The following SLC12A4 variants were observed in gnomAD, a reference collection of about 807,000 sequenced individuals.
The protein encoded by SLC12A4 is solute carrier family 12 member 4, also known as electroneutral potassium-chloride cotransporter 1.
A neutral mutation model predicts 119.2 loss-of-function variants in SLC12A4; 84 were observed. That is an observed-to-expected ratio of 0.70 (90% confidence interval 0.59 to 0.85). The LOEUF (loss-of-function observed/expected upper bound fraction) is 0.85. Among genes scored for constraint, SLC12A4 ranks in the 40% least tolerant of loss-of-function variants. The pLI, the probability that SLC12A4 is intolerant of heterozygous loss-of-function variation, is 0.00. For synonymous variants in SLC12A4, 599 were observed against 604.6 expected (o/e 0.99, Z 0.14); for missense variants, 1,298 against 1,476.3 (o/e 0.88, Z 1.98).
Position 67,943,734 on chromosome 16 carries a change from C to A in SLC12A4, c.*1106G>T, listed in dbSNP as rs926619618. 5 of 583,452 alleles carry A rather than the reference C, an allele frequency of 8.6e-6. No homozygotes were observed. In the South Asian group the frequency reaches 9.5e-5, roughly 11 times the overall value. The allele number at this position is 583,452 out of a possible 1,614,324, so 36.1% of individuals were successfully genotyped here. A position where few individuals can be genotyped will look rare whatever the true frequency, so the allele number is the denominator to read the frequency against. On this transcript the variant is annotated 3_prime_UTR_variant, in exon 24 of 24. Coordinates refer to ENST00000316341, the MANE Select transcript of SLC12A4 (RefSeq NM_005072.5). This position sits in a 1 kb window ranked among gnomAD's most constrained non-coding sequence, Gnocchi z 4.6. The stretch of plus-strand genomic sequence containing the variant: ...GCACACCCCGTCCCCCACTCCGCCC[C>A]CCCTGGGTTAGACAACTGAGAGTCA...
rs1441439401 is a variant in SLC12A4 at position 67,951,995 on chromosome 16, A to C, written c.960T>G (p.Phe320Leu). ...LGNRTLSRDQ[F>L]DICAKTAVVD... ...CTACAGCTGTCTTGGCACAGATGTC[A>C]AACTGGTCCCGGGACAGGGTCCTGT... The change falls in exon 8 of 24, where the codon TTT becomes TTG. Residue 320 changes from phenylalanine to leucine, a missense_variant. Physicochemically the swap from Phe to Leu is conservative, Grantham distance 22. Coordinates refer to ENST00000316341, the MANE Select transcript of SLC12A4 (RefSeq NM_005072.5). This position sits in a 1 kb window ranked among gnomAD's most constrained non-coding sequence, Gnocchi z 5.2. The C allele has an allele frequency of 1.2e-6, 2 of 1,614,116 alleles. No individual in the cohort carries two copies. Among genetic ancestry groups the C allele is most frequent in the Admixed American group, 1.7e-5 (1 of 60,018 alleles).
In SLC12A4 at chr16:67,951,757, C is replaced by T. The variant is rs929296745; in HGVS notation, c.1132+66G>A. On this transcript the variant is annotated intron_variant, in intron 8 of 23. Transcript: ENST00000316341. This position sits in a 1 kb window ranked among gnomAD's most constrained non-coding sequence, Gnocchi z 5.2. ...TCCCAAGCTGGCCACACAAGGACAG[C>T]TCTGTGCTCTGTGCCCCTGCTCAGC... 9 of 1,396,098 alleles carry T rather than the reference C, an allele frequency of 6.4e-6. No homozygotes were observed. The highest frequency in any genetic ancestry group is 1.4e-5 in the African/African-American group (1 of 70,400). 86.5% of individuals were successfully genotyped at this position (1,396,098 alleles called of 1,614,324 possible).
chr16:67,951,730 G>T lies in SLC12A4; in HGVS notation c.1132+93C>A. On this transcript the variant is annotated intron_variant, in intron 8 of 23. Transcript: ENST00000316341. The surrounding 1 kb of genome is among the most constrained non-coding windows in gnomAD (Gnocchi z 5.2). ...TGGGAAGGCGGCCAGTCCTGCCCCC[G>T]TTCCCAAGCTGGCCACACAAGGACA... 1.7e-6 allele frequency: 2 copies of T among 1,194,432 alleles called. No individual in the cohort carries two copies. Among genetic ancestry groups the T allele is most frequent in the Non-Finnish European group, 2.4e-6 (2 of 844,686 alleles). 74.0% of individuals were successfully genotyped at this position (1,194,432 alleles called of 1,614,324 possible).
At position 67,952,057 on chromosome 16, in the gene SLC12A4, C is replaced by T. The variant is rs375492658; in HGVS notation, c.918-20G>A. The T allele has an allele frequency of 7.4e-5, 120 of 1,610,994 alleles. No individual in the cohort carries two copies. Among genetic ancestry groups the T allele is most frequent in the Middle Eastern group, 1.7e-4 (1 of 6,038 alleles). On this transcript the variant is annotated intron_variant, in intron 7 of 23. Transcript: ENST00000316341. ...CATACCCTGTGAGGGACAGAAGCAC[C>T]GGCACCTGCTCAGGTCAAAGCCCCT...
At position 67,952,374 on chromosome 16, in the gene SLC12A4, T is replaced by G; in HGVS notation, c.727A>C (p.Thr243Pro). Residue 243 changes from threonine to proline, a missense_variant, in exon 7 of 24, where the codon ACG becomes CCG. Physicochemically the swap from Thr to Pro is conservative, Grantham distance 38. Transcript: ENST00000316341. ...AIFYPSGAHD[T>P]SNATLNNMRV... ...ATATTGTTCAAAGTGGCATTCGACG[T>G]GTCATGAGCACCCGATGGGTAAAAA... 1 of 1,614,150 alleles carries G rather than the reference T, an allele frequency of 6.2e-7. No individual in the cohort carries two copies. Among genetic ancestry groups the G allele is most frequent in the Non-Finnish European group, 8.5e-7 (1 of 1,180,012 alleles).
chr16:67,966,223 G>A (rs3785104), intron 1 of SLC12A4, among the ~76,000 whole-genome samples: 35 of 152,338 alleles, frequency 2.3e-4, no homozygotes, highest in African/African-American at 7.9e-4. Flanking sequence ...AGTGCCAGAC[G>A]CCCAGTGGGC....
At chr16:67,961,826 G>A in intron 2 of SLC12A4, 120 bp from the exon 3 acceptor site, 1 of 1,327,014 alleles carries the variant, frequency 7.5e-7, no homozygotes, top group Non-Finnish European at 1.0e-6. Context: ...CCTGATCCCA[G>A]TTCCTACCTG....
chr16:67,947,943 G>T, intron 14 of SLC12A4, 118 bp downstream of exon 14: 1 of 1,469,182 alleles, frequency 6.8e-7, no homozygotes. Context: ...GTCCCCCGCA[G>T]CCCTATAATC....
Position 67,949,736 on chromosome 16 carries a change from CGGGGAGGTGCTGGGGTTCA to C in SLC12A4, c.1748+45_1748+63del, listed in dbSNP as rs2058391876. ...GGACCTCCAACACCAGACGCAGCCA[CGGGGAGGTGCTGGGGTTCA>C]GGAAGCCTTTCCCCATCCCCCTGCC... On this transcript the variant is annotated intron_variant, in intron 13 of 23. Coordinates refer to ENST00000316341, the MANE Select transcript of SLC12A4 (RefSeq NM_005072.5). The surrounding 1 kb of genome is among the most constrained non-coding windows in gnomAD (Gnocchi z 4.6). The C allele has an allele frequency of 8.9e-7, 1 of 1,128,250 alleles. No homozygotes were observed. Among genetic ancestry groups the C allele is most frequent in the African/African-American group, 1.6e-5 (1 of 63,766 alleles). 69.9% of individuals were successfully genotyped at this position (1,128,250 alleles called of 1,614,324 possible). A position where few individuals can be genotyped will look rare whatever the true frequency, so the allele number is the denominator to read the frequency against.
Position 67,957,794 on chromosome 16 carries a change from G to A in SLC12A4, c.492C>T (p.Thr164=), listed in dbSNP as rs2030351074. The A allele has an allele frequency of 6.2e-7, 1 of 1,614,018 alleles. No homozygotes were observed. The highest frequency in any genetic ancestry group is 1.3e-5 in the African/African-American group (1 of 74,928). Residue 164 remains threonine, a splice_region_variant and synonymous_variant, in exon 5 of 24, where the codon ACC becomes ACT. Coordinates refer to ENST00000316341, the MANE Select transcript of SLC12A4 (RefSeq NM_005072.5). Reference sequence around the variant, plus strand: ...CACTCATGGAGATGGCCGTCAGCAGGGTCTGTGGGAAGGAGGGCCTGGGTG... The same window carrying A: ...CACTCATGGAGATGGCCGTCAGCAGAGTCTGTGGGAAGGAGGGCCTGGGTG... ...LLIVLICCCC[T]LLTAISMSAI...
At chr16:67,963,912 C>T in intron 1 of SLC12A4, 2 of 1,551,276 alleles carry the variant, frequency 1.3e-6, no homozygotes, top group Non-Finnish European at 1.7e-6. Context: ...CAGTCCCTTT[C>T]CCGGTCTTTC....
intron 1 of SLC12A4, among the ~76,000 whole-genome samples, chr16:67,967,216 C>T (rs2030904670): frequency 6.6e-6 from 1 of 152,226 alleles, no homozygotes; most frequent in Non-Finnish European, 1.5e-5. Flanking sequence ...GATACACACA[C>T]ATAGCCATCA....
In SLC12A4 at chr16:67,945,540, T is replaced by C. The variant is rs1167530614; in HGVS notation, c.2861A>G (p.Lys954Arg). The C allele has an allele frequency of 1.2e-6, 2 of 1,613,546 alleles. No homozygotes were observed. The highest frequency in any genetic ancestry group is 1.7e-6 in the Non-Finnish European group (2 of 1,179,840). Reference sequence around the variant, plus strand: ...CAGCCGCAGGGCCGAGTGCCGATCCTTGACCAGCTGGGCCTGAGGACAATT... The same window carrying C: ...CAGCCGCAGGGCCGAGTGCCGATCCCTGACCAGCTGGGCCTGAGGACAATT... ...TEREREAQLV[K>R]DRHSALRLES... The change falls in exon 22 of 24, where the codon AAG (lysine) becomes AGG (arginine). Residue 954 changes from lysine to arginine, a missense_variant. Physicochemically the swap from Lys to Arg is conservative, Grantham distance 26 (BLOSUM62 2). Transcript: ENST00000316341.
intron 1 of SLC12A4, chr16:67,963,925 G>C: frequency 6.4e-7 from 1 of 1,551,334 alleles, no homozygotes; most frequent in Non-Finnish European, 8.7e-7. Context: ...GGTCTTTCCG[G>C]AGTACCCAAT....
intron 5 of SLC12A4, 21 bp downstream of exon 5, chr16:67,957,721 C>A: frequency 6.2e-7 from 1 of 1,612,442 alleles, no homozygotes; most frequent in Non-Finnish European, 8.5e-7. Flanking sequence ...TTCCACCAGG[C>A]CTTGGGTGGC....
chr16:67,953,308 A>T (rs1418871052), intron 6 of SLC12A4, among the ~76,000 whole-genome samples: 3 of 152,090 alleles, frequency 2.0e-5, no homozygotes, highest in Non-Finnish European at 4.4e-5. Flanking sequence ...AATCACTTGA[A>T]CCCAGGAGGC....
chr16:67,961,502 G>A, intron 3 of SLC12A4, 73 bp downstream of exon 3: 1 of 1,568,626 alleles, frequency 6.4e-7, no homozygotes, highest in South Asian at 1.2e-5. Context: ...CCACCATGTG[G>A]GGAAACAGTC....
intron 3 of SLC12A4, 100 bp downstream of exon 3, chr16:67,961,475 T>G (rs2030561498): frequency 1.3e-6 from 2 of 1,512,088 alleles, no homozygotes; most frequent in Admixed American, 1.8e-5. Context: ...TGGCACCCAC[T>G]TCCCCCAGTG....
Position 67,943,499 on chromosome 16 carries a change from A to G in SLC12A4, c.*1341T>C, listed in dbSNP as rs2058305527. The G allele has an allele frequency of 1.9e-6, 1 of 524,062 alleles. No individual in the cohort carries two copies. Among genetic ancestry groups the G allele is most frequent in the Non-Finnish European group, 3.5e-6 (1 of 288,154 alleles). 32.5% of individuals were successfully genotyped at this position (524,062 alleles called of 1,614,324 possible). A position where few individuals can be genotyped will look rare whatever the true frequency, so the allele number is the denominator to read the frequency against. On this transcript the variant is annotated 3_prime_UTR_variant, in exon 24 of 24. Transcript: ENST00000316341. This position sits in a 1 kb window ranked among gnomAD's most constrained non-coding sequence, Gnocchi z 4.6. ...CCCAGTCTGGCGCTCCTTTATTGCC[A>G]AAGTCCAAGGTGGGAACAGATAGGT...
Sources: gnomAD v4.1 joint callset for allele counts (sites outside exome capture counted in the v4.1 genomes callset) on GRCh38, gnomAD v4.1.1 for gene constraint, Gnocchi (gnomAD v3.1) non-coding constraint, MANE v1.5 for transcripts, NCBI Gene and HGNC (gene_info 2026-07-23, HGNC 2026-07-21) for gene names.